XRRA1: variants seen among roughly 807,000 people sequenced by gnomAD.
XRRA1 encodes X-ray radiation resistance-associated protein 1.
XRRA1 carries 69 observed loss-of-function variants against 80.2 expected under a neutral mutation model. The observed-to-expected ratio is 0.86, with a 90% CI of 0.71 to 1.05. XRRA1 has a LOEUF of 1.05. XRRA1 is among the 50% of genes least tolerant of loss of function. The pLI is 0.00. For synonymous variants in XRRA1, 348 were observed against 389.9 expected, an observed-to-expected ratio of 0.89 and a Z score of 1.27; for missense variants, 967 against 976.4, an observed-to-expected ratio of 0.99 and a Z score of 0.13.
intron 6 of XRRA1, among the ~76,000 whole-genome samples, chr11:74,929,253 C>T (rs540243481): frequency 6.6e-6 from 1 of 152,256 alleles, no homozygotes; most frequent in South Asian, 2.1e-4. Flanking sequence ...CTATCAACTA[C>T]CAAGTCCTGT....
chr11:74,887,128 C>A (rs1044775923), intron 10 of XRRA1, among the ~76,000 whole-genome samples: 4 of 152,110 alleles, frequency 2.6e-5, no homozygotes, highest in Non-Finnish European at 5.9e-5. Context: ...AGATAGATAG[C>A]CTAGGAAATA....
intron 4 of XRRA1, among the ~76,000 whole-genome samples, chr11:74,934,278 C>T (rs541690034): frequency 6.6e-6 from 1 of 152,146 alleles, no homozygotes; most frequent in Admixed American, 6.5e-5. Flanking sequence ...CATATGTCAC[C>T]CGACATAATT....
chr11:74,906,574 G>A, intron 9 of XRRA1, 118 bp from the exon 10 acceptor site: 3 of 1,155,380 alleles, frequency 2.6e-6, no homozygotes, highest in Non-Finnish European at 3.6e-6. Flanking sequence ...CCTCTTGTGT[G>A]ACGTTGAGCC....
At position 74,921,252 on chromosome 11, in the gene XRRA1, G is replaced by A. The variant is rs1045980065; in HGVS notation, c.618C>T (p.Gly206=). The A allele has an allele frequency of 1.2e-6, 2 of 1,613,976 alleles. No individual in the cohort carries two copies. Among genetic ancestry groups the A allele is most frequent in the East Asian group, 2.2e-5 (1 of 44,888 alleles). ...CCAAATTGGGCGGCAGGGAGGTAAGGCCATTGCCTGTGAGGAGCAGGACAC... is the reference window on the plus strand; with the variant it reads ...CCAAATTGGGCGGCAGGGAGGTAAGACCATTGCCTGTGAGGAGCAGGACAC... ...HLRVLLLTGN[G]LTSLPPNLAV... The change falls in exon 8 of 19, where the codon GGC becomes GGT. Residue 206 remains glycine, a synonymous_variant. Coordinates refer to ENST00000684022, the MANE Select transcript of XRRA1 (RefSeq NM_001378157.1).
chr11:74,850,070 T>G (rs2039376925), intron 14 of XRRA1, among the ~76,000 whole-genome samples: 1 of 152,240 alleles, frequency 6.6e-6, no homozygotes, highest in Non-Finnish European at 1.5e-5. Flanking sequence ...ATTTGGCCAC[T>G]GGCATCTGTG....
intron 10 of XRRA1, among the ~76,000 whole-genome samples, chr11:74,869,798 G>C (rs980884675): frequency 2.0e-5 from 3 of 152,096 alleles, no homozygotes; most frequent in Admixed American, 6.6e-5. Context: ...ACCTATAAGA[G>C]CCCCTGCATT....
At chr11:74,858,623 C>T (rs2135822079) in intron 12 of XRRA1, among the ~76,000 whole-genome samples, 1 of 152,288 alleles carries the variant, frequency 6.6e-6, no homozygotes, top group Middle Eastern at 3.4e-3. Context: ...TCCTTTATAT[C>T]TGCTGTTCCC....
chr11:74,935,770 G>A lies in XRRA1; in HGVS notation c.279+1114C>T, dbSNP rs550274009. ...AGTGGAACTATCCAATAGGCAGAGTGGATACCCCATGATTCTGAAAAACAT... is the reference window on the plus strand; with the variant it reads ...AGTGGAACTATCCAATAGGCAGAGTAGATACCCCATGATTCTGAAAAACAT... On this transcript the variant is annotated intron_variant, in intron 4 of 18. Coordinates refer to ENST00000684022, the MANE Select transcript of XRRA1 (RefSeq NM_001378157.1). Among the ~76,000 whole-genome samples, 3 of 152,298 alleles carry A rather than the reference G, an allele frequency of 2.0e-5. No homozygotes were observed. The East Asian group carries it at 5.8e-4, about 29-fold the overall frequency.
At chr11:74,870,678 T>C (rs1296852959) in intron 10 of XRRA1, among the ~76,000 whole-genome samples, 1 of 152,180 alleles carries the variant, frequency 6.6e-6, no homozygotes, top group African/African-American at 2.4e-5. Context: ...CAGCACCACC[T>C]AGTGGAATAG....
chr11:74,900,300 C>T (rs188261683), intron 10 of XRRA1, among the ~76,000 whole-genome samples: 42 of 152,244 alleles, frequency 2.8e-4, no homozygotes, highest in Admixed American at 2.7e-3. Context: ...GATCATTCAT[C>T]GGCCAGGCGC....
chr11:74,943,548 T>TGTGTGTGC (rs1277166802), intron 2 of XRRA1, among the ~76,000 whole-genome samples: 1 of 150,834 alleles, frequency 6.6e-6, no homozygotes, highest in African/African-American at 2.5e-5. Context: ...TGTGTGTGTG[T>TGTGTGTGC]GTGTGTGTGT....
At chr11:74,941,956 TA>T (rs1012022914) in intron 2 of XRRA1, among the ~76,000 whole-genome samples, 1 of 151,434 alleles carries the variant, frequency 6.6e-6, no homozygotes, top group African/African-American at 2.4e-5. Flanking sequence ...TGCAAAAAAT[TA>T]AAAAAAATTA....
intron 10 of XRRA1, among the ~76,000 whole-genome samples, chr11:74,868,002 AC>A (rs2043860423): frequency 6.9e-6 from 1 of 144,312 alleles, no homozygotes; most frequent in South Asian, 2.1e-4. Flanking sequence ...GTTCACTGCA[AC>A]CTCCGCCTCC....
At chr11:74,909,255 C>T (rs1326840550) in intron 8 of XRRA1, among the ~76,000 whole-genome samples, 1 of 152,166 alleles carries the variant, frequency 6.6e-6, no homozygotes, top group Non-Finnish European at 1.5e-5. Flanking sequence ...AGCTTTTATA[C>T]TTCATAATAT....
At chr11:74,930,639 A>T (rs984141508) in intron 5 of XRRA1, among the ~76,000 whole-genome samples, 14 of 152,364 alleles carry the variant, frequency 9.2e-5, no homozygotes, top group Middle Eastern at 3.4e-3. Flanking sequence ...TATTTAATAC[A>T]GCTGAATATT....
intron 10 of XRRA1, among the ~76,000 whole-genome samples, chr11:74,875,237 A>G (rs923980060): frequency 6.6e-6 from 1 of 152,220 alleles, no homozygotes; most frequent in South Asian, 2.1e-4. Context: ...GAAACAAGTT[A>G]GCTGATGAGG....
chr11:74,915,995 C>T (rs1477371315), intron 8 of XRRA1, among the ~76,000 whole-genome samples: 1 of 152,020 alleles, frequency 6.6e-6, no homozygotes, highest in African/African-American at 2.4e-5. Context: ...ATATATCAGC[C>T]CACTGCCTTC....
At chr11:74,846,904 G>T (rs564819673) in intron 15 of XRRA1, among the ~76,000 whole-genome samples, 2 of 151,110 alleles carry the variant, frequency 1.3e-5, no homozygotes, top group South Asian at 2.1e-4. Context: ...GGACAATTAG[G>T]CCAGAAAAAA....
At position 74,907,171 on chromosome 11, in the gene XRRA1, G is replaced by T. The variant is rs1565377844; in HGVS notation, c.759C>A (p.Cys253Ter). The T allele has an allele frequency of 6.2e-7, 1 of 1,613,920 alleles. No individual in the cohort carries two copies. The highest frequency in any genetic ancestry group is 2.2e-5 in the East Asian group (1 of 44,884). Residue 253 changes from cysteine (C) to a stop codon, truncating the protein, a stop_gained, in exon 9 of 19, where the codon TGC becomes TGA. Coordinates refer to ENST00000684022, the MANE Select transcript of XRRA1 (RefSeq NM_001378157.1). LOFTEE classifies it high-confidence loss of function. ...TCCTGAGCCCAGCCAGGCTGGCAAA[G>T]CAACTGGGGTTGGAGAGTCTGTTGT... Reference protein sequence around the residue: ...LDDNRLSNPSCFASLAGLRRL... With the variant: ...LDDNRLSNPS
Sources: gnomAD v4.1 joint callset for allele counts (sites outside exome capture counted in the v4.1 genomes callset) on GRCh38, gnomAD v4.1.1 for gene constraint, MANE v1.5 for transcripts, NCBI Gene and HGNC (gene_info 2026-07-23, HGNC 2026-07-21) for gene names.